The following NALCN variants were observed in gnomAD, a reference collection of about 807,000 sequenced individuals.
NALCN encodes the protein sodium leak channel, non-selective, also known as sodium leak channel NALCN.
A neutral mutation model predicts 225.3 loss-of-function variants in NALCN; 111 were observed. That is an observed-to-expected ratio of 0.49 (90% CI 0.42 to 0.58). The LOEUF (loss-of-function observed/expected upper bound fraction) is 0.58, where lower values mean the gene tolerates loss of function less well. NALCN is among the 20% of genes least tolerant of loss of function. The pLI is 0.00. For synonymous variants in NALCN, 764 were observed against 769.0 expected (o/e 0.99, Z 0.11); for missense variants, 1,378 against 2,202.4 (o/e 0.63, Z 7.49).
At chr13:101,279,721 G>A (rs1290209315) in intron 10 of NALCN, among the ~76,000 whole-genome samples, 2 of 149,078 alleles carry the variant, frequency 1.3e-5, no homozygotes, top group African/African-American at 4.9e-5. Flanking sequence ...GGAGGCTGAG[G>A]CAGGAGAATG....
intron 6 of NALCN, among the ~76,000 whole-genome samples, chr13:101,369,830 T>C (rs1185789478): frequency 1.3e-5 from 2 of 152,198 alleles, no homozygotes; most frequent in African/African-American, 2.4e-5. Flanking sequence ...TTTTCTTCCA[T>C]GCATTTGTCT....
chr13:101,287,748 C>T (rs2043392599), intron 9 of NALCN, among the ~76,000 whole-genome samples: 1 of 152,164 alleles, frequency 6.6e-6, no homozygotes, highest in Non-Finnish European at 1.5e-5. Context: ...CAGGCCTGTC[C>T]ATTTGCAACT....
At chr13:101,068,138 C>T (rs990604101) in intron 38 of NALCN, 105 bp from the exon 39 acceptor site, 6 of 712,290 alleles carry the variant, frequency 8.4e-6, no homozygotes, top group Non-Finnish European at 1.1e-5. Context: ...TCACCTATAT[C>T]ATAAGCCAAA....
intron 9 of NALCN, among the ~76,000 whole-genome samples, chr13:101,284,357 G>A (rs1462845762): frequency 6.6e-6 from 1 of 152,072 alleles, no homozygotes; most frequent in Non-Finnish European, 1.5e-5. Context: ...ATTAGATCTG[G>A]GAGAAAATGA....
At chr13:101,409,956 G>A (rs1482629128) in intron 1 of NALCN, among the ~76,000 whole-genome samples, 1 of 152,152 alleles carries the variant, frequency 6.6e-6, no homozygotes, top group Non-Finnish European at 1.5e-5. Flanking sequence ...GAGGTCATGA[G>A]GCCATGAAGG....
At chr13:101,363,930 T>C (rs565817810) in intron 6 of NALCN, among the ~76,000 whole-genome samples, 1 of 152,152 alleles carries the variant, frequency 6.6e-6, no homozygotes, top group African/African-American at 2.4e-5. Context: ...AAAATCTGAA[T>C]AGACATTTCT....
intron 13 of NALCN, among the ~76,000 whole-genome samples, chr13:101,212,588 C>A (rs376141292): frequency 1.3e-5 from 2 of 152,130 alleles, no homozygotes; most frequent in Non-Finnish European, 2.9e-5. Flanking sequence ...AAACCAAGAA[C>A]ATGATTTATT....
At chr13:101,144,933 C>T in intron 15 of NALCN, 37 bp from the exon 16 acceptor site, 2 of 1,587,862 alleles carry the variant, frequency 1.3e-6, no homozygotes, top group Non-Finnish European at 1.7e-6. Flanking sequence ...AAAGGGGGAA[C>T]CTATAATACT....
intron 26 of NALCN, 124 bp downstream of exon 26, chr13:101,103,048 A>G (rs534754563): frequency 1.7e-6 from 2 of 1,186,024 alleles, no homozygotes; most frequent in East Asian, 2.4e-5. Flanking sequence ...TAGTGCCTCC[A>G]TTACCCTCTG....
intron 15 of NALCN, among the ~76,000 whole-genome samples, chr13:101,163,131 G>A (rs539193970): frequency 3.0e-4 from 45 of 152,178 alleles, no homozygotes; most frequent in Admixed American, 1.8e-3. Context: ...TCAAACTCCT[G>A]ACCACAGGTG....
intron 7 of NALCN, among the ~76,000 whole-genome samples, chr13:101,320,036 G>A (rs920979811): frequency 6.6e-6 from 1 of 152,096 alleles, no homozygotes; most frequent in African/African-American, 2.4e-5. Flanking sequence ...CCCATCTCAT[G>A]TCTCACTCCT....
At chr13:101,202,801 C>G (rs1304654746) in intron 13 of NALCN, among the ~76,000 whole-genome samples, 1 of 152,212 alleles carries the variant, frequency 6.6e-6, no homozygotes, top group Non-Finnish European at 1.5e-5. Flanking sequence ...ACCTCCATCA[C>G]TGCTCTCACT....
chr13:101,231,125 G>A (rs1317549577), intron 12 of NALCN, among the ~76,000 whole-genome samples: 1 of 151,912 alleles, frequency 6.6e-6, no homozygotes, highest in Non-Finnish European at 1.5e-5. Flanking sequence ...ATGATCACAC[G>A]ACAACAAAAT....
intron 14 of NALCN, among the ~76,000 whole-genome samples, chr13:101,176,734 G>A (rs1180861848): frequency 1.3e-5 from 2 of 152,158 alleles, no homozygotes; most frequent in Non-Finnish European, 2.9e-5. Flanking sequence ...TTAGAGGGTT[G>A]TTTGTAATAA....
chr13:101,376,907 C>A lies in NALCN; in HGVS notation c.515+10G>T, dbSNP rs1231196261. The A allele has an allele frequency of 3.1e-6, 5 of 1,614,024 alleles. No homozygotes were observed. The highest frequency in any genetic ancestry group is 1.7e-5 in the Admixed American group (1 of 59,996). On this transcript the variant is annotated intron_variant, in intron 5 of 43. Coordinates refer to ENST00000251127, the MANE Select transcript of NALCN (RefSeq NM_052867.4). ...CTTTTCCTCTTAACTTATTGTAAAG[C>A]AGCGCTCACTTTAAAATATTTGTAA...
intron 43 of NALCN, chr13:101,057,294 T>A (rs1244608626): frequency 6.5e-6 from 1 of 153,664 alleles, no homozygotes; most frequent in Admixed American, 6.4e-5. Context: ...CAAAACCCTA[T>A]AGAGAAGAAG....
chr13:101,307,484 T>C (rs1351551162), intron 7 of NALCN, among the ~76,000 whole-genome samples: 1 of 152,050 alleles, frequency 6.6e-6, no homozygotes, highest in Non-Finnish European at 1.5e-5. Flanking sequence ...TCACCCAGAG[T>C]GGATGTCTGG....
chr13:101,120,491 C>T (rs1169451600), intron 18 of NALCN, among the ~76,000 whole-genome samples: 3 of 149,540 alleles, frequency 2.0e-5, no homozygotes, highest in Non-Finnish European at 4.4e-5. Context: ...TTTGTGAAGA[C>T]TCTACCCAAT....
chr13:101,413,179 A>G (rs1453782445), intron 1 of NALCN, among the ~76,000 whole-genome samples: 1 of 152,238 alleles, frequency 6.6e-6, no homozygotes, highest in East Asian at 1.9e-4. Context: ...TAGGAAATCA[A>G]TTTAAAGACA....
Sources: allele counts gnomAD v4.1 joint callset (sites outside exome capture counted in the v4.1 genomes callset), GRCh38; gene constraint gnomAD v4.1.1; transcripts MANE v1.5; gene names NCBI Gene and HGNC (gene_info 2026-07-23, HGNC 2026-07-21).